Variants in USH2A observed in about 807,000 individuals in gnomAD.
USH2A encodes the protein Usher syndrome 2A (autosomal recessive, mild).
In USH2A, 443 loss-of-function variants were observed where a neutral mutation model predicts 538.9. The ratio of observed to expected loss-of-function variants is 0.82; its 90% CI spans 0.76 to 0.89. USH2A has a LOEUF of 0.89. USH2A is among the 40% of genes least tolerant of loss of function. The pLI, the probability that USH2A is intolerant of heterozygous loss-of-function variation, is 0.00. For synonymous variants in USH2A, 2,413 were observed against 2,273.5 expected, an observed-to-expected ratio of 1.06 and a Z score of -1.75; for missense variants, 6,633 against 6,324.8, an observed-to-expected ratio of 1.05 and a Z score of -1.65.
chr1:216,379,015 C>T (rs1455030433), intron 3 of USH2A, among the ~76,000 whole-genome samples: 2 of 152,116 alleles, frequency 1.3e-5, no homozygotes, highest in African/African-American at 4.8e-5. Context: ...CATGGGGACT[C>T]CACTACATCC....
At chr1:216,159,416 T>C (rs2034009887) in intron 21 of USH2A, among the ~76,000 whole-genome samples, 3 of 152,108 alleles carry the variant, frequency 2.0e-5, no homozygotes, top group Admixed American at 1.3e-4. Flanking sequence ...GTTAAATCTG[T>C]GGTGATAATT....
At chr1:216,089,249 CA>C in intron 22 of USH2A, 110 bp from the exon 23 acceptor site, 1 of 1,175,416 alleles carries the variant, frequency 8.5e-7, no homozygotes, top group Non-Finnish European at 1.3e-6. Flanking sequence ...GATCCTGATA[CA>C]AGCATGCATA....
chr1:215,851,822 TC>T (rs1342064536), intron 44 of USH2A, among the ~76,000 whole-genome samples: 1 of 151,250 alleles, frequency 6.6e-6, no homozygotes, highest in Non-Finnish European at 1.5e-5. Context: ...CAACAGCATA[TC>T]AAAAAGACAA....
rs1303520098 is a variant in USH2A, at chr1:215,675,534, G to GT, written c.12376dup (p.Thr4126AsnfsTer27). 1 of 1,613,922 alleles carries GT rather than the reference G, an allele frequency of 6.2e-7. No homozygotes were observed. Among genetic ancestry groups the GT allele is most frequent in the African/African-American group, 1.3e-5 (1 of 74,908 alleles). On this transcript the variant is annotated frameshift_variant, in exon 63 of 72. Coordinates refer to ENST00000307340, the MANE Select transcript of USH2A (RefSeq NM_206933.4). LOFTEE classifies it high-confidence loss of function. ...GGCCTCCAGGGTCAGTGTGTAGAGA[G>GT]TGAAAGGATCCAGGCGGCGGAAGAG...
At chr1:216,280,260 T>C (rs2102593617) in intron 11 of USH2A, among the ~76,000 whole-genome samples, 1 of 152,182 alleles carries the variant, frequency 6.6e-6, no homozygotes, top group Non-Finnish European at 1.5e-5. Flanking sequence ...ACATAATATG[T>C]ACCTGAACTA....
rs2038531157 is a variant in USH2A at position 216,363,283 on chromosome 1, AAC to A, written c.784+1668_784+1669del. Among the ~76,000 whole-genome samples the A allele has an allele frequency of 2.0e-5, 3 of 152,148 alleles. No homozygotes were observed. The South Asian group carries it at 6.2e-4, about 31-fold the overall frequency. The stretch of plus-strand genomic sequence containing the variant: ...TATCTAATACATGCCAGGTGCTTGA[AAC>A]ACAGTAATGTTTTACATGACATTGC... On this transcript the variant is annotated intron_variant, in intron 4 of 71. Transcript: ENST00000307340.
chr1:216,163,891 G>A (rs1301166437), intron 21 of USH2A, among the ~76,000 whole-genome samples: 1 of 151,814 alleles, frequency 6.6e-6, no homozygotes, highest in Non-Finnish European at 1.5e-5. Flanking sequence ...TTATATCTAG[G>A]ATCTTGATCC....
At chr1:216,328,054 G>T (rs945815204) in intron 4 of USH2A, among the ~76,000 whole-genome samples, 5 of 152,212 alleles carry the variant, frequency 3.3e-5, no homozygotes, top group Non-Finnish European at 5.9e-5. Context: ...CCAAAAGGAA[G>T]ATTCCTCACT....
chr1:216,146,429 C>T (rs1013822833), intron 21 of USH2A, among the ~76,000 whole-genome samples: 6 of 152,150 alleles, frequency 3.9e-5, no homozygotes, highest in African/African-American at 1.4e-4. Flanking sequence ...GCAGGGACAC[C>T]TCTCTGATTA....
chr1:216,292,326 T>G lies in USH2A; in HGVS notation c.1689A>C (p.Gln563His). 1 of 1,614,076 alleles carries G rather than the reference T, an allele frequency of 6.2e-7. No homozygotes were observed. The highest frequency in any genetic ancestry group is 1.1e-5 in the South Asian group (1 of 91,086). ...LPLYNDKPFRQGDQVYAFNCK... is the reference protein window; with the variant it reads ...LPLYNDKPFRHGDQVYAFNCK... ...AATTGAAAGCGTAAACTTGATCACC[T>G]TGGCGGAAAGGCTTGTCATTATAAA... is the stretch of plus-strand genomic sequence containing the variant. The change falls in exon 10 of 72, where the codon CAA (glutamine) becomes CAC (histidine). Residue 563 changes from glutamine (Q) to histidine (H), a missense_variant. Physicochemically the swap from Gln to His is conservative, Grantham distance 24. Coordinates refer to ENST00000307340, the MANE Select transcript of USH2A (RefSeq NM_206933.4).
chr1:216,045,840 T>C (rs1033694101), intron 32 of USH2A, among the ~76,000 whole-genome samples: 2 of 152,100 alleles, frequency 1.3e-5, no homozygotes, highest in African/African-American at 4.8e-5. Context: ...CAGCCCTGGG[T>C]GGAGGGAGGT....
chr1:215,739,961 G>C (rs1366822001), intron 60 of USH2A, among the ~76,000 whole-genome samples: 1 of 152,196 alleles, frequency 6.6e-6, no homozygotes, highest in Non-Finnish European at 1.5e-5. Flanking sequence ...ATGAGGATCT[G>C]AGAAGAAGGG....
chr1:216,184,464 T>C (rs1417268192), intron 20 of USH2A, among the ~76,000 whole-genome samples: 2 of 151,994 alleles, frequency 1.3e-5, no homozygotes, highest in Non-Finnish European at 2.9e-5. Context: ...TGCTTTTTAA[T>C]ATGGCATGCC....
rs1249404741 is a variant in USH2A at position 216,070,092 on chromosome 1, T to G, written c.6049+9A>C. On this transcript the variant is annotated intron_variant, in intron 30 of 71. Transcript: ENST00000307340. Reference sequence around the variant, plus strand: ...AATAGGGTCTACTCTGTTAAAGGATTGCATTTACCTGTGAGGTTGCTTGTA... The same window carrying G: ...AATAGGGTCTACTCTGTTAAAGGATGGCATTTACCTGTGAGGTTGCTTGTA... 1 of 1,613,850 alleles carries G rather than the reference T, an allele frequency of 6.2e-7. No homozygotes were observed. Among genetic ancestry groups the G allele is most frequent in the Admixed American group, 1.7e-5 (1 of 60,002 alleles).
intron 61 of USH2A, among the ~76,000 whole-genome samples, chr1:215,713,713 A>G (rs961476244): frequency 6.6e-6 from 1 of 152,158 alleles, no homozygotes; most frequent in Non-Finnish European, 1.5e-5. Context: ...ACTTTTATCA[A>G]TTGTTTTCTA....
At chr1:215,809,936 A>G (rs992564061) in intron 49 of USH2A, among the ~76,000 whole-genome samples, 12 of 152,152 alleles carry the variant, frequency 7.9e-5, no homozygotes, top group Non-Finnish European at 1.3e-4. Context: ...TTTCCCCCTC[A>G]GTGTAACCAG....
intron 44 of USH2A, among the ~76,000 whole-genome samples, chr1:215,851,238 C>T (rs929120269): frequency 6.6e-6 from 1 of 151,818 alleles, no homozygotes; most frequent in African/African-American, 2.4e-5. Context: ...CAAAACAATA[C>T]AAAAGATAAA....
At chr1:215,685,463 T>C (rs1414648598) in intron 61 of USH2A, among the ~76,000 whole-genome samples, 1 of 151,908 alleles carries the variant, frequency 6.6e-6, no homozygotes, top group African/African-American at 2.4e-5. Context: ...GTTCGAGCGA[T>C]TCTCATGCCT....
At position 216,082,157 on chromosome 1, in the gene USH2A, T is replaced by G. The variant is rs182905099; in HGVS notation, c.5298+1299A>C. The stretch of plus-strand genomic sequence containing the variant: ...ACCACAGCATGAGCTCATTCACATG[T>G]TCACTCATTCATTCATTCAACAATA... On this transcript the variant is annotated intron_variant, in intron 26 of 71. Coordinates refer to ENST00000307340, the MANE Select transcript of USH2A (RefSeq NM_206933.4). 4.3e-4 allele frequency among the ~76,000 whole-genome samples: 65 copies of G among 152,204 alleles called. 1 individual carries two copies. The highest frequency in any genetic ancestry group is 6.5e-4 in the Non-Finnish European group (44 of 67,998).
Sources: allele counts gnomAD v4.1 joint callset (sites outside exome capture counted in the v4.1 genomes callset), GRCh38; gene constraint gnomAD v4.1.1; transcripts MANE v1.5; gene names NCBI Gene and HGNC (gene_info 2026-07-23, HGNC 2026-07-21).